The following ZNF862 variants were observed in gnomAD, a reference collection of about 807,000 sequenced individuals.
The protein encoded by ZNF862 is zinc finger protein 862.
A neutral mutation model predicts 91.1 loss-of-function variants in ZNF862; 64 were observed. That is an observed-to-expected ratio of 0.70 (90% CI 0.57 to 0.87). The LOEUF (loss-of-function observed/expected upper bound fraction) is 0.87. ZNF862 is among the 40% of genes least tolerant of loss of function. The pLI is 0.00. For synonymous variants in ZNF862, 631 were observed against 618.1 expected, an observed-to-expected ratio of 1.02 and a Z score of -0.31; for missense variants, 1,459 against 1,528.0, an observed-to-expected ratio of 0.95 and a Z score of 0.75.
chr7:149,867,288 G>C lies in ZNF862; in HGVS notation c.*3004G>C, dbSNP rs1323314696. 6.6e-6 allele frequency: 1 copy of C among 152,200 alleles called. No individual in the cohort carries two copies. Among genetic ancestry groups the C allele is most frequent in the East Asian group, 1.9e-4 (1 of 5,186 alleles). 9.4% of individuals were successfully genotyped at this position (152,200 alleles called of 1,614,324 possible). A position where few individuals can be genotyped will look rare whatever the true frequency, so the allele number is the denominator to read the frequency against. The stretch of plus-strand genomic sequence containing the variant: ...CTCCTGCAGAGGATGAGTTTCTAGG[G>C]TGCTAAGTACCTATCAGAACAGTGT... On this transcript the variant is annotated 3_prime_UTR_variant, in exon 8 of 8. Transcript: ENST00000223210.
At chr7:149,859,822 A>G in intron 6 of ZNF862, 1 of 364,512 alleles carries the variant, frequency 2.7e-6, no homozygotes, top group Non-Finnish European at 5.0e-6. Flanking sequence ...GAGCCAGGGG[A>G]CCCAGAGATC....
rs909878178 is a variant in ZNF862, at chr7:149,867,228, G to T, written c.*2944G>T. The stretch of plus-strand genomic sequence containing the variant: ...GCCCCCTGTCCTGGAAGATACCTTA[G>T]AGTATGTGACCGCGCTCCAGACCCT... On this transcript the variant is annotated 3_prime_UTR_variant, in exon 8 of 8. Transcript: ENST00000223210. The T allele has an allele frequency of 5.3e-5, 8 of 152,272 alleles. No homozygotes were observed. The highest frequency in any genetic ancestry group is 1.5e-5 in the Non-Finnish European group (1 of 68,132). 9.4% of individuals were successfully genotyped at this position (152,272 alleles called of 1,614,324 possible).
intron 1 of ZNF862, among the ~76,000 whole-genome samples, chr7:149,840,412 T>G (rs1309137013): frequency 6.6e-6 from 1 of 152,112 alleles, no homozygotes; most frequent in Non-Finnish European, 1.5e-5. Context: ...AGTAAAACAG[T>G]TACAATAAGC....
chr7:149,861,601 TGGCA>T lies in ZNF862; in HGVS notation c.2443_2446del (p.Ala815ArgfsTer14). On this transcript the variant is annotated frameshift_variant, in exon 7 of 8. Transcript: ENST00000223210. LOFTEE classifies it high-confidence loss of function. The surrounding 1 kb of genome is among the most constrained non-coding windows in gnomAD (Gnocchi z 6.7). ...GCCCTGGCCAGGCACCTCCAGAGGG[TGGCA>T]GAGGCTGGGGGCCAGATTGGGCACC... 6.3e-7 allele frequency: 1 copy of T among 1,599,328 alleles called. No individual in the cohort carries two copies. The highest frequency in any genetic ancestry group is 8.5e-7 in the Non-Finnish European group (1 of 1,175,176).
At position 149,860,760 on chromosome 7, in the gene ZNF862, A is replaced by G. The variant is rs1424883808; in HGVS notation, c.1600A>G (p.Ile534Val). 2.5e-6 allele frequency: 4 copies of G among 1,613,910 alleles called. No homozygotes were observed. In the South Asian group the frequency reaches 4.4e-5, roughly 18 times the overall value. The change falls in exon 7 of 8, where the codon ATC (isoleucine) becomes GTC (valine). Residue 534 changes from isoleucine to valine, a missense_variant. Transcript: ENST00000223210. ...AHRLCVNTVE[I>V]KEDTPHTALV... ...CAGGCTCTGTGTCAACACGGTTGAA[A>G]TCAAGGAAGACACCCCTCACACTGC...
In ZNF862 at chr7:149,861,819, G is replaced by A; in HGVS notation, c.2659G>A (p.Gly887Arg). Residue 887 changes from glycine (G) to arginine (R), a missense_variant, in exon 7 of 8, where the codon GGG becomes AGG. Physicochemically the swap from Gly to Arg is moderately radical, Grantham distance 125. Coordinates refer to ENST00000223210, the MANE Select transcript of ZNF862 (RefSeq NM_001099220.3). This position sits in a 1 kb window ranked among gnomAD's most constrained non-coding sequence, Gnocchi z 6.7. The part of the protein sequence containing the change: ...VALESLRHQA[G>R]PKEEEFNASF... ...ACTGGAGAGCCTCCGTCACCAGGCA[G>A]GGCCCAAAGAGGAAGAATTCAACGC... 6.2e-7 allele frequency: 1 copy of A among 1,613,690 alleles called. No individual in the cohort carries two copies. Among genetic ancestry groups the A allele is most frequent in the Non-Finnish European group, 8.5e-7 (1 of 1,179,892 alleles).
intron 5 of ZNF862, among the ~76,000 whole-genome samples, chr7:149,852,337 T>TTTTG (rs1554448261): frequency 3.6e-5 from 5 of 140,408 alleles, no homozygotes; most frequent in East Asian, 4.2e-4. Context: ...GAACTCAGTT[T>TTTTG]TGTGTGTGTG....
intron 7 of ZNF862, among the ~76,000 whole-genome samples, chr7:149,863,370 C>A (rs1207911651): frequency 2.0e-5 from 3 of 148,328 alleles, no homozygotes; most frequent in African/African-American, 7.9e-5. Flanking sequence ...TCTAGCTGGC[C>A]TCCTTCCGGC....
rs774318063 is a variant in ZNF862, at chr7:149,861,639, G to T, written c.2479G>T (p.Gly827Trp). 7 of 1,606,558 alleles carry T rather than the reference G, an allele frequency of 4.4e-6. No individual in the cohort carries two copies. In the Admixed American group the frequency reaches 6.7e-5, roughly 15 times the overall value. Reference protein sequence around the residue: ...AGGQIGHRAKGMLKLMRGFHF... With the variant: ...AGGQIGHRAKWMLKLMRGFHF... ...GGGCCAGATTGGGCACCGGGCCAAAGGGATGCTGAAGCTCATGCGCGGCTT... is the reference window on the plus strand; with the variant it reads ...GGGCCAGATTGGGCACCGGGCCAAATGGATGCTGAAGCTCATGCGCGGCTT... The change falls in exon 7 of 8, where the codon GGG becomes TGG. Residue 827 changes from glycine (G) to tryptophan (W), a missense_variant. By Grantham distance (184) the Gly-to-Trp change is radical. Transcript: ENST00000223210. The surrounding 1 kb of genome is among the most constrained non-coding windows in gnomAD (Gnocchi z 6.7).
At position 149,860,738 on chromosome 7, in the gene ZNF862, GCT is replaced by G. The variant is rs936440884; in HGVS notation, c.1581_1582del (p.Val529GlnfsTer4). ...KYHEVSKAHR[L>X]CVNTVEIKED... Reference sequence around the variant, plus strand: ...ACCATGAAGTCAGCAAAGCGCACAGGCTCTGTGTCAACACGGTTGAAATCAAG... The same window carrying G: ...ACCATGAAGTCAGCAAAGCGCACAGGCTGTGTCAACACGGTTGAAATCAAG... On this transcript the variant is annotated frameshift_variant, in exon 7 of 8. Coordinates refer to ENST00000223210, the MANE Select transcript of ZNF862 (RefSeq NM_001099220.3). LOFTEE classifies it high-confidence loss of function. 6.2e-7 allele frequency: 1 copy of G among 1,613,890 alleles called. No individual in the cohort carries two copies. The highest frequency in any genetic ancestry group is 1.3e-5 in the African/African-American group (1 of 75,038).
intron 4 of ZNF862, among the ~76,000 whole-genome samples, chr7:149,849,687 G>A (rs117578876): frequency 1.1e-4 from 16 of 152,324 alleles, no homozygotes; most frequent in Admixed American, 2.0e-4. Context: ...CTAATGAACC[G>A]ATGTAACCTT....
intron 7 of ZNF862, among the ~76,000 whole-genome samples, chr7:149,863,502 G>A (rs1314029875): frequency 6.6e-6 from 1 of 152,192 alleles, no homozygotes; most frequent in African/African-American, 2.4e-5. Context: ...GGCAGGTGGG[G>A]ATAAGAAAAG....
At chr7:149,851,423 G>A (rs1802064656) in intron 5 of ZNF862, 1 of 152,362 alleles carries the variant, frequency 6.6e-6, no homozygotes, top group East Asian at 1.9e-4. Flanking sequence ...CAGAGGTTTT[G>A]TTGTCATGCC....
intron 5 of ZNF862, among the ~76,000 whole-genome samples, chr7:149,854,052 A>G (rs943228086): frequency 6.6e-6 from 1 of 152,160 alleles, no homozygotes; most frequent in East Asian, 1.9e-4. Context: ...CATTATTTCT[A>G]AATAACGTAT....
intron 3 of ZNF862, 37 bp downstream of exon 3, chr7:149,846,292 C>G: frequency 1.3e-6 from 2 of 1,541,600 alleles, no homozygotes; most frequent in Admixed American, 1.7e-5. Flanking sequence ...AGATGCTTGG[C>G]TGGAGAGGGA....
rs1221877684 is a variant in ZNF862, at chr7:149,848,402, A to G, written c.909A>G (p.Leu303=). The G allele has an allele frequency of 3.2e-6, 5 of 1,573,960 alleles. No individual in the cohort carries two copies. The highest frequency in any genetic ancestry group is 2.7e-5 in the African/African-American group (2 of 73,824). The stretch of plus-strand genomic sequence containing the variant: ...ACAGCTCCTCAGACATTAATATTTT[A>G]TATAATGATGCAGTAGAATCCTGCA... ...GIHSSSDINI[L]YNDAVESCIQ... Residue 303 remains leucine (L), a synonymous_variant, in exon 4 of 8, where the codon TTA becomes TTG. Transcript: ENST00000223210.
Position 149,866,517 on chromosome 7 carries a change from G to C in ZNF862, c.*2233G>C, listed in dbSNP as rs1030121052. On this transcript the variant is annotated 3_prime_UTR_variant, in exon 8 of 8. Transcript: ENST00000223210. ...GCAGGAGGCCATCCTGTGAGCAGCC[G>C]TGAGTGGGTCTCTGTGGGAGTAGTT... is the stretch of plus-strand genomic sequence containing the variant. The C allele has an allele frequency of 2.0e-5, 3 of 152,200 alleles. No individual in the cohort carries two copies. Among genetic ancestry groups the C allele is most frequent in the African/African-American group, 7.2e-5 (3 of 41,400 alleles). The allele number at this position is 152,200 out of a possible 1,614,324, so 9.4% of individuals were successfully genotyped here. A position where few individuals can be genotyped will look rare whatever the true frequency, so the allele number is the denominator to read the frequency against.
rs758727839 is a variant in ZNF862 at position 149,847,848 on chromosome 7, A to C, written c.355A>C (p.Ser119Arg). ...KAYLSHLSTG[S>R]GHIEGDWAGR... ...CTACCTTTCCCACCTCAGTACAGGC[A>C]GTGGACACATCGAGGGAGACTGGGC... is the stretch of plus-strand genomic sequence containing the variant. Residue 119 changes from serine (S) to arginine (R), a missense_variant, in exon 4 of 8, where the codon AGT (serine) becomes CGT (arginine). Ser to Arg is a moderately radical substitution (Grantham distance 110). Transcript: ENST00000223210. 25 of 1,613,494 alleles carry C rather than the reference A, an allele frequency of 1.5e-5. No individual in the cohort carries two copies. The highest frequency in any genetic ancestry group is 2.1e-5 in the Non-Finnish European group (25 of 1,179,740).
Position 149,861,142 on chromosome 7 carries a change from C to G in ZNF862, c.1982C>G (p.Pro661Arg), listed in dbSNP as rs1325566763. 6.2e-7 allele frequency: 1 copy of G among 1,613,076 alleles called. No individual in the cohort carries two copies. The highest frequency in any genetic ancestry group is 2.2e-5 in the East Asian group (1 of 44,846). Residue 661 changes from proline to arginine, a missense_variant, in exon 7 of 8, where the codon CCT becomes CGT. Pro to Arg is a moderately radical substitution (Grantham distance 103). Coordinates refer to ENST00000223210, the MANE Select transcript of ZNF862 (RefSeq NM_001099220.3). This position sits in a 1 kb window ranked among gnomAD's most constrained non-coding sequence, Gnocchi z 6.7. Reference sequence around the variant, plus strand: ...AAAGAGTCCTACATCACTCTGGCCCCTCTCTACAGTGAGACAGCAGATGGG... The same window carrying G: ...AAAGAGTCCTACATCACTCTGGCCCGTCTCTACAGTGAGACAGCAGATGGG... Reference protein sequence around the residue: ...EVKESYITLAPLYSETADGYF... With the variant: ...EVKESYITLARLYSETADGYF...
Sources: gnomAD v4.1 joint callset for allele counts (sites outside exome capture counted in the v4.1 genomes callset) on GRCh38, gnomAD v4.1.1 for gene constraint, Gnocchi (gnomAD v3.1) non-coding constraint, MANE v1.5 for transcripts, NCBI Gene and HGNC (gene_info 2026-07-23, HGNC 2026-07-21) for gene names.